CYFIP1: variants seen among roughly 807,000 people sequenced by gnomAD.
CYFIP1 encodes the protein cytoplasmic FMR1 interacting protein 1.
Under a neutral mutation model 163.5 loss-of-function variants are expected in CYFIP1, and 58 were observed. The ratio of observed to expected loss-of-function variants is 0.35; its 90% CI spans 0.29 to 0.44. The LOEUF (loss-of-function observed/expected upper bound fraction) is 0.44. Among genes scored for constraint, CYFIP1 ranks in the 20% least tolerant of loss-of-function variants. The pLI is 1.00. For synonymous variants in CYFIP1, 663 were observed against 660.7 expected (o/e 1.00, Z -0.05); for missense variants, 1,338 against 1,653.8 (o/e 0.81, Z 3.31).
At chr15:22,879,590 G>A (rs777045034) in intron 26 of CYFIP1, among the ~76,000 whole-genome samples, 2 of 152,082 alleles carry the variant, frequency 1.3e-5, no homozygotes, top group African/African-American at 4.8e-5. Context: ...CATACAGAGG[G>A]CCCTCCTGCG....
At position 22,926,063 on chromosome 15, in the gene CYFIP1, C is replaced by T. The variant is rs2061348116; in HGVS notation, c.1278G>A (p.Lys426=). ...ACTCTTCAGCGCTGTCGGGGCAGTC[C>T]TTGTTGGAGTACTTGTCGGTGGGGT... ...LVHPTDKYSN[K]DCPDSAEEYE... The change falls in exon 13 of 31, where the codon AAG becomes AAA. Residue 426 remains lysine (K), a synonymous_variant. Coordinates refer to ENST00000617928, the MANE Select transcript of CYFIP1 (RefSeq NM_014608.6). The T allele has an allele frequency of 3.7e-6, 6 of 1,614,046 alleles. No individual in the cohort carries two copies. In the Admixed American group the frequency reaches 6.7e-5, roughly 18 times the overall value.
chr15:22,933,103 G>A (rs1370531499), intron 10 of CYFIP1, among the ~76,000 whole-genome samples: 1 of 151,770 alleles, frequency 6.6e-6, no homozygotes, highest in Non-Finnish European at 1.5e-5. Flanking sequence ...CAAAGTGCTG[G>A]GATTACAGGC....
Position 22,926,026 on chromosome 15 carries a change from T to TG in CYFIP1, c.1314dup (p.Thr439HisfsTer55). ...TCCTCGCTGGTGTAGTTGTAGCGCGTGGCACGCTCGTACTCTTCAGCGCTG... is the reference window on the plus strand; with the variant it reads ...TCCTCGCTGGTGTAGTTGTAGCGCGTGGGCACGCTCGTACTCTTCAGCGCTG... On this transcript the variant is annotated frameshift_variant, in exon 13 of 31. Transcript: ENST00000617928. LOFTEE classifies it high-confidence loss of function. 6.2e-7 allele frequency: 1 copy of TG among 1,614,120 alleles called. No individual in the cohort carries two copies. Among genetic ancestry groups the TG allele is most frequent in the South Asian group, 1.1e-5 (1 of 91,072 alleles).
intron 26 of CYFIP1, among the ~76,000 whole-genome samples, chr15:22,876,414 G>A (rs1003736669): frequency 6.6e-5 from 10 of 152,008 alleles, no homozygotes; most frequent in African/African-American, 2.4e-4. Context: ...CACAGAAACC[G>A]TGCCTTTAAG....
intron 1 of CYFIP1, chr15:22,951,520 A>C (rs1008474130): frequency 7.8e-7 from 1 of 1,288,050 alleles, no homozygotes; most frequent in Admixed American, 2.3e-5. Flanking sequence ...TCGGCCCCAT[A>C]GGGGCTGCCC....
At chr15:22,888,342 G>C (rs1462313406) in intron 23 of CYFIP1, among the ~76,000 whole-genome samples, 1 of 152,316 alleles carries the variant, frequency 6.6e-6, no homozygotes, top group East Asian at 1.9e-4. Context: ...ACATGACTCA[G>C]CTCAGACATC....
intron 23 of CYFIP1, among the ~76,000 whole-genome samples, chr15:22,886,719 A>G (rs2059936087): frequency 6.6e-6 from 1 of 152,248 alleles, no homozygotes; most frequent in East Asian, 1.9e-4. Context: ...TATCTTGGTG[A>G]ATGTTTCATG....
chr15:22,898,193 T>TC (rs1267125752), intron 22 of CYFIP1, among the ~76,000 whole-genome samples: 1 of 152,186 alleles, frequency 6.6e-6, no homozygotes, highest in Non-Finnish European at 1.5e-5. Flanking sequence ...GTCCAGTTTT[T>TC]CACTTAAGGA....
chr15:22,879,865 G>A (rs757599021), intron 26 of CYFIP1, 48 bp downstream of exon 26: 3 of 1,420,694 alleles, frequency 2.1e-6, no homozygotes, highest in East Asian at 2.5e-5. Flanking sequence ...GGTGGGGTGG[G>A]GTGGGGTGGG....
rs752742053 is a variant in CYFIP1, at chr15:22,939,487, T to G, written c.590A>C (p.Lys197Thr). ...AYKRAAQFLR[K>T]MADPQSIQES... ...CTGGATGGACTGTGGATCTGCCATT[T>G]TACGTAAAAACTGAGCGGCCCTTTG... is the stretch of plus-strand genomic sequence containing the variant. The change falls in exon 7 of 31, where the codon AAA (lysine) becomes ACA (threonine). Residue 197 changes from lysine to threonine, a missense_variant. Lys to Thr is a moderately conservative substitution (Grantham distance 78, BLOSUM62 -1). This residue lies in a region of CYFIP1 where 186 missense variants were observed against 288.3 expected (regional missense o/e 0.65). Coordinates refer to ENST00000617928, the MANE Select transcript of CYFIP1 (RefSeq NM_014608.6). 6.2e-7 allele frequency: 1 copy of G among 1,610,176 alleles called. No homozygotes were observed. The highest frequency in any genetic ancestry group is 1.1e-5 in the South Asian group (1 of 91,004).
chr15:22,892,865 G>C (rs374110941), intron 23 of CYFIP1, 25 bp downstream of exon 23: 41 of 1,557,720 alleles, frequency 2.6e-5, no homozygotes, highest in East Asian at 6.7e-5. Context: ...CTTCAAGCTC[G>C]TAACACGAAC....
At chr15:22,936,547 T>C (rs2061716568) in intron 9 of CYFIP1, among the ~76,000 whole-genome samples, 2 of 152,152 alleles carry the variant, frequency 1.3e-5, no homozygotes, top group Non-Finnish European at 2.9e-5. Context: ...TCACTGCTGA[T>C]GGGAACGGAG....
chr15:22,885,666 G>C (rs1309372794), intron 23 of CYFIP1, among the ~76,000 whole-genome samples: 4 of 152,150 alleles, frequency 2.6e-5, no homozygotes. Flanking sequence ...CTGGGAGGCG[G>C]AGGTTGCAGT....
In CYFIP1 at chr15:22,894,326, G is replaced by C. The variant is rs377354882; in HGVS notation, c.2589-1349C>G. On this transcript the variant is annotated intron_variant, in intron 22 of 30. Transcript: ENST00000617928. ...TTTTCTGAGATGGAGTTTTGCTCTT[G>C]ATGCCCAGGCTGGAGTGCTGTGGTG... is the stretch of plus-strand genomic sequence containing the variant. Among the ~76,000 whole-genome samples, 7 of 105,154 alleles carry C rather than the reference G, an allele frequency of 6.7e-5. No individual in the cohort carries two copies. In the East Asian group the frequency reaches 2.0e-3, roughly 30 times the overall value. 69.0% of individuals were successfully genotyped at this position (105,154 alleles called of 152,430 possible).
At position 22,926,150 on chromosome 15, in the gene CYFIP1, A is replaced by C. The variant is rs746404644; in HGVS notation, c.1234-43T>G. ...GCAGAGGTGTTCCATATTGCATGCA[A>C]AACGCCTGGCTTCTGGTCTGACTCA... On this transcript the variant is annotated intron_variant, in intron 12 of 30. Coordinates refer to ENST00000617928, the MANE Select transcript of CYFIP1 (RefSeq NM_014608.6). 1.1e-4 allele frequency: 177 copies of C among 1,611,724 alleles called. 1 individual carries two copies. Among genetic ancestry groups the C allele is most frequent in the Admixed American group, 1.7e-4 (10 of 59,846 alleles).
At chr15:22,955,360 T>C (rs2062409005) in intron 1 of CYFIP1, among the ~76,000 whole-genome samples, 1 of 152,158 alleles carries the variant, frequency 6.6e-6, no homozygotes. Context: ...CAGTGCCGGG[T>C]GCCCACCCAG....
chr15:22,939,245 A>G lies in CYFIP1; in HGVS notation c.742T>C (p.Tyr248His), dbSNP rs763159956. 6.2e-7 allele frequency: 1 copy of G among 1,614,176 alleles called. No homozygotes were observed. Among genetic ancestry groups the G allele is most frequent in the East Asian group, 2.2e-5 (1 of 44,880 alleles). Residue 248 changes from tyrosine (Y) to histidine (H), a missense_variant, in exon 8 of 31, where the codon TAC (tyrosine) becomes CAC (histidine). By Grantham distance (83) the Tyr-to-His change is moderately conservative. Coordinates refer to ENST00000617928, the MANE Select transcript of CYFIP1 (RefSeq NM_014608.6). ...LADIVNLCVD[Y>H]YENRMYLTPS... ...GTCAAATACATCCTGTTCTCGTAGTAATCCACACACAGATTCACAATATCT... is the reference window on the plus strand; with the variant it reads ...GTCAAATACATCCTGTTCTCGTAGTGATCCACACACAGATTCACAATATCT...
chr15:22,964,608 A>G (rs1222361273), intron 1 of CYFIP1, among the ~76,000 whole-genome samples: 1 of 152,128 alleles, frequency 6.6e-6, no homozygotes, highest in African/African-American at 2.4e-5. Flanking sequence ...CCTGAGACAC[A>G]GGGCTCCATG....
chr15:22,937,225 T>A lies in CYFIP1; in HGVS notation c.796-17A>T. On this transcript the variant is annotated splice_polypyrimidine_tract_variant and intron_variant, in intron 8 of 30. Coordinates refer to ENST00000617928, the MANE Select transcript of CYFIP1 (RefSeq NM_014608.6). Reference sequence around the variant, plus strand: ...TCCCATGACCTGAAAAGCCACAAAATGAATGATGCGACAAAGCTCAGAACT... The same window carrying A: ...TCCCATGACCTGAAAAGCCACAAAAAGAATGATGCGACAAAGCTCAGAACT... The A allele has an allele frequency of 6.9e-7, 1 of 1,455,152 alleles. No individual in the cohort carries two copies. Among genetic ancestry groups the A allele is most frequent in the Non-Finnish European group, 9.7e-7 (1 of 1,035,220 alleles). 90.1% of individuals were successfully genotyped at this position (1,455,152 alleles called of 1,614,324 possible).
Sources: allele counts gnomAD v4.1 joint callset (sites outside exome capture counted in the v4.1 genomes callset), GRCh38; gene constraint gnomAD v4.1.1; regional missense constraint gnomAD v4.1.1; transcripts MANE v1.5; gene names NCBI Gene and HGNC (gene_info 2026-07-23, HGNC 2026-07-21).